ATRNL1: variants seen among roughly 807,000 people sequenced by gnomAD.
ATRNL1 encodes the protein attractin like 1, also known as attractin-like protein 1.
Under a neutral mutation model 182.7 loss-of-function variants are expected in ATRNL1, and 95 were observed. The observed-to-expected ratio is 0.52, with a 90% CI of 0.44 to 0.62. The LOEUF (loss-of-function observed/expected upper bound fraction) is 0.62. ATRNL1 is among the 20% of genes least tolerant of loss of function. The pLI is 0.00. For missense variants in ATRNL1, 1,471 were observed against 1,679.5 expected (o/e 0.88, Z 2.17); for synonymous variants, 576 against 568.3 (o/e 1.01, Z -0.19).
chr10:115,449,373 A>G (rs1847171807), intron 21 of ATRNL1, among the ~76,000 whole-genome samples: 1 of 152,044 alleles, frequency 6.6e-6, no homozygotes, highest in African/African-American at 2.4e-5. Context: ...CTCACCTCAT[A>G]TTCTTTCCAC....
chr10:115,698,728 A>T (rs1555050585), intron 26 of ATRNL1, among the ~76,000 whole-genome samples: 1 of 151,894 alleles, frequency 6.6e-6, no homozygotes, highest in Non-Finnish European at 1.5e-5. Flanking sequence ...CAGTGAGCTG[A>T]GATGGTACCA....
Position 115,904,317 on chromosome 10 carries a change from G to GT in ATRNL1, c.4019-40341_4019-40340insT, listed in dbSNP as rs548554264. On this transcript the variant is annotated intron_variant, in intron 28 of 28. Coordinates refer to ENST00000355044, the MANE Select transcript of ATRNL1 (RefSeq NM_207303.4). The stretch of plus-strand genomic sequence containing the variant: ...GCATTTGGGGTTTTGAGTCAACTGT[G>GT]CTCCCCTCCACAGGAAATCTGACTA... Among the ~76,000 whole-genome samples the GT allele has an allele frequency of 2.0e-5, 3 of 152,272 alleles. No individual in the cohort carries two copies. The South Asian group carries it at 6.2e-4, about 32-fold the overall frequency.
intron 25 of ATRNL1, among the ~76,000 whole-genome samples, chr10:115,536,468 C>T (rs964698473): frequency 6.6e-5 from 10 of 152,154 alleles, no homozygotes; most frequent in Non-Finnish European, 1.0e-4. Flanking sequence ...GTCGGAAATG[C>T]GCAGTATTGG....
intron 24 of ATRNL1, among the ~76,000 whole-genome samples, chr10:115,475,330 T>C (rs1444622491): frequency 6.6e-6 from 1 of 151,590 alleles, no homozygotes; most frequent in Non-Finnish European, 1.5e-5. Context: ...ATGCATTATG[T>C]AATGTATTTT....
At chr10:115,915,355 G>T (rs1439289499) in intron 28 of ATRNL1, among the ~76,000 whole-genome samples, 1 of 151,416 alleles carries the variant, frequency 6.6e-6, no homozygotes, top group African/African-American at 2.4e-5. Context: ...CGGAGATCGC[G>T]CCACTGCACT....
intron 28 of ATRNL1, among the ~76,000 whole-genome samples, chr10:115,907,720 A>T (rs939575036): frequency 2.3e-4 from 35 of 151,934 alleles, no homozygotes; most frequent in Admixed American, 3.3e-4. Context: ...CAAATATTTT[A>T]AAATAAAATT....
At chr10:115,407,403 C>T (rs1844882980) in intron 20 of ATRNL1, among the ~76,000 whole-genome samples, 1 of 152,064 alleles carries the variant, frequency 6.6e-6, no homozygotes, top group Admixed American at 6.6e-5. Flanking sequence ...TTCCCAGCCA[C>T]TAGTACCTTC....
chr10:115,612,673 T>C (rs1210394785), intron 26 of ATRNL1, among the ~76,000 whole-genome samples: 1 of 152,238 alleles, frequency 6.6e-6, no homozygotes, highest in African/African-American at 2.4e-5. Flanking sequence ...TGTAACAAGA[T>C]GCAGTTTGAA....
intron 19 of ATRNL1, among the ~76,000 whole-genome samples, chr10:115,344,057 T>A (rs1210812311): frequency 6.6e-6 from 1 of 152,174 alleles, no homozygotes; most frequent in Non-Finnish European, 1.5e-5. Flanking sequence ...CCATCACCAG[T>A]ATGACTGTGC....
chr10:115,805,255 G>A (rs1259327157), intron 27 of ATRNL1, among the ~76,000 whole-genome samples: 1 of 152,112 alleles, frequency 6.6e-6, no homozygotes, highest in African/African-American at 2.4e-5. Context: ...CCATTCGGAG[G>A]TTATTCTTGG....
At chr10:115,215,285 C>A (rs1298425407) in intron 8 of ATRNL1, among the ~76,000 whole-genome samples, 1 of 152,046 alleles carries the variant, frequency 6.6e-6, no homozygotes, top group Non-Finnish European at 1.5e-5. Context: ...AAAATGTGTT[C>A]AATTAATTTT....
At chr10:115,318,283 C>T (rs1245186427) in intron 18 of ATRNL1, among the ~76,000 whole-genome samples, 5 of 152,106 alleles carry the variant, frequency 3.3e-5, no homozygotes, top group Non-Finnish European at 7.4e-5. Context: ...CTGCTGGATT[C>T]GGTTTGCCAG....
chr10:115,588,926 C>A (rs2804195), intron 26 of ATRNL1, among the ~76,000 whole-genome samples: 72,023 of 151,590 alleles, frequency 0.48, 18,516 homozygotes, highest in East Asian at 0.84. Context: ...AATTTCCTTG[C>A]AGTTTTTGCA....
intron 27 of ATRNL1, among the ~76,000 whole-genome samples, chr10:115,740,368 CAT>C (rs34806473): frequency 0.97 from 148,150 of 152,154 alleles, 72,244 homozygotes; most frequent in Middle Eastern, 1. Context: ...CCATTAATGA[CAT>C]ATAAAAGTGG....
chr10:115,573,269 A>G (rs1854512326), intron 26 of ATRNL1, among the ~76,000 whole-genome samples: 1 of 152,048 alleles, frequency 6.6e-6, no homozygotes, highest in African/African-American at 2.4e-5. Context: ...TGGGCCACCT[A>G]GTGGCCGGAC....
intron 27 of ATRNL1, among the ~76,000 whole-genome samples, chr10:115,772,398 G>A (rs1949014488): frequency 6.6e-6 from 1 of 152,104 alleles, no homozygotes; most frequent in Non-Finnish European, 1.5e-5. Context: ...TCAACTCATT[G>A]ACATGGTCCA....
At chr10:115,297,068 G>A (rs1853229935) in intron 15 of ATRNL1, among the ~76,000 whole-genome samples, 1 of 152,134 alleles carries the variant, frequency 6.6e-6, no homozygotes, top group African/African-American at 2.4e-5. Context: ...ATGTCTTACA[G>A]GATTTGGAGT....
At chr10:115,242,121 G>T (rs1455806512) in intron 10 of ATRNL1, among the ~76,000 whole-genome samples, 2 of 151,666 alleles carry the variant, frequency 1.3e-5, no homozygotes, top group Admixed American at 6.6e-5. Context: ...AGATTTTAAG[G>T]GATAAGCAAA....
intron 19 of ATRNL1, among the ~76,000 whole-genome samples, chr10:115,383,550 A>G (rs1858155814): frequency 6.6e-6 from 1 of 151,984 alleles, no homozygotes; most frequent in South Asian, 2.1e-4. Context: ...ATTGAATATA[A>G]TATCAATGAA....
Sources: gnomAD v4.1 joint callset for allele counts (sites outside exome capture counted in the v4.1 genomes callset) on GRCh38, gnomAD v4.1.1 for gene constraint, MANE v1.5 for transcripts, NCBI Gene and HGNC (gene_info 2026-07-23, HGNC 2026-07-21) for gene names.